The following LANCL3 variants were observed in gnomAD, a reference collection of about 807,000 sequenced individuals.
LANCL3 encodes the protein LanC like family member 3.
Under a neutral mutation model 26.5 loss-of-function variants are expected in LANCL3, and 19 were observed. The ratio of observed to expected loss-of-function variants is 0.72; its 90% CI spans 0.50 to 1.05. The LOEUF is 1.05. Ranked by LOEUF, LANCL3 falls within the 50% of genes least tolerant of loss-of-function variation. The pLI is 0.00. For missense variants in LANCL3, 318 were observed against 362.7 expected (o/e 0.88, Z 1.00); for synonymous variants, 160 against 166.6 (o/e 0.96, Z 0.30).
chrX:37,647,359 AC>A (rs1429755363), intron 1 of LANCL3, among the ~76,000 whole-genome samples: 1 of 110,974 alleles, frequency 9.0e-6, no homozygotes, highest in Non-Finnish European at 1.9e-5. Flanking sequence ...GGATCTAACA[AC>A]CCAAAAACTT....
At chrX:37,590,310 A>C (rs782439755) in intron 1 of LANCL3, among the ~76,000 whole-genome samples, 2 of 112,895 alleles carry the variant, frequency 1.8e-5, no homozygotes, top group Admixed American at 9.3e-5. Context: ...TCAAAGTGAC[A>C]ACTTCAAATG....
chrX:37,684,293 G>A lies in LANCL3; in HGVS notation c.*8480G>A, dbSNP rs1314458897. ...TGTGATCTTTCCAAATGTGTTTTCT[G>A]TATTCGTTTTGTACTGTAGAAAATA... On this transcript the variant is annotated 3_prime_UTR_variant, in exon 5 of 5. Coordinates refer to ENST00000378619, the MANE Select transcript of LANCL3 (RefSeq NM_001170331.2). 1 of 112,437 alleles carries A rather than the reference G, an allele frequency of 8.9e-6. No homozygotes were observed. Among genetic ancestry groups the A allele is most frequent in the Non-Finnish European group, 1.9e-5 (1 of 53,241 alleles). The allele number at this position is 112,437 out of a possible 1,213,427, so 9.3% of individuals were successfully genotyped here. A position where few individuals can be genotyped will look rare whatever the true frequency, so the allele number is the denominator to read the frequency against.
At chrX:37,652,913 G>A (rs1396112185) in intron 1 of LANCL3, among the ~76,000 whole-genome samples, 1 of 111,485 alleles carries the variant, frequency 9.0e-6, no homozygotes, top group African/African-American at 3.3e-5. Context: ...TTGTTCGGGG[G>A]CGAAAAATAC....
At chrX:37,606,153 C>T (rs1401116612) in intron 1 of LANCL3, among the ~76,000 whole-genome samples, 1 of 111,881 alleles carries the variant, frequency 8.9e-6, no homozygotes, top group Non-Finnish European at 1.9e-5. Context: ...ATAGGATGCA[C>T]TTAATTCCCC....
rs1298289469 is a variant in LANCL3, at chrX:37,572,073, G to A, written c.203G>A (p.Gly68Asp). 1.3e-5 allele frequency: 15 copies of A among 1,175,797 alleles called. No homozygotes were observed. Among genetic ancestry groups the A allele is most frequent in the Admixed American group, 2.3e-5 (1 of 42,862 alleles). The change falls in exon 1 of 5, where the codon GGC (glycine) becomes GAC (aspartate). Residue 68 changes from glycine to aspartate, a missense_variant. Transcript: ENST00000378619. The part of the protein sequence containing the change: ...ASACQGGLYG[G>D]VAGVAYMLYH... ...GCCTGCCAGGGGGGGCTTTATGGCG[G>A]CGTGGCCGGAGTGGCGTATATGCTC...
chrX:37,669,258 G>A lies in LANCL3; in HGVS notation c.1103+1769G>A, dbSNP rs577290140. 9.8e-4 allele frequency among the ~76,000 whole-genome samples: 109 copies of A among 111,285 alleles called. 4 individuals carry two copies. In the South Asian group the frequency reaches 0.038, roughly 38 times the overall value. On this transcript the variant is annotated intron_variant, in intron 4 of 4. Transcript: ENST00000378619. ...CACTCAGGCTGGAGTGCAGTGGTGTGATTTATGGCTCACTGTAGCCTGCAA... is the reference window on the plus strand; with the variant it reads ...CACTCAGGCTGGAGTGCAGTGGTGTAATTTATGGCTCACTGTAGCCTGCAA...
At chrX:37,578,353 G>T (rs1556416648) in intron 1 of LANCL3, among the ~76,000 whole-genome samples, 1 of 112,110 alleles carries the variant, frequency 8.9e-6, no homozygotes, top group African/African-American at 3.2e-5. Flanking sequence ...GAAGGAAATG[G>T]TTGCTGGTTG....
chrX:37,620,621 A>G (rs951997980), intron 1 of LANCL3, among the ~76,000 whole-genome samples: 1 of 111,673 alleles, frequency 9.0e-6, no homozygotes, highest in Non-Finnish European at 1.9e-5. Context: ...TGCTTCATGC[A>G]GATTTTCATT....
intron 1 of LANCL3, among the ~76,000 whole-genome samples, chrX:37,621,301 C>T (rs1407818460): frequency 1.8e-5 from 2 of 112,050 alleles, no homozygotes; most frequent in Non-Finnish European, 3.8e-5. Context: ...GAGATTGACA[C>T]AGCACTGGCA....
At chrX:37,587,191 T>A (rs1924118755) in intron 1 of LANCL3, among the ~76,000 whole-genome samples, 1 of 112,337 alleles carries the variant, frequency 8.9e-6, no homozygotes, top group African/African-American at 3.2e-5. Context: ...CTGTGTGAGG[T>A]GTCAGTCTAC....
intron 3 of LANCL3, among the ~76,000 whole-genome samples, chrX:37,666,405 A>G (rs1602135664): frequency 8.9e-6 from 1 of 112,227 alleles, no homozygotes; most frequent in Non-Finnish European, 1.9e-5. Flanking sequence ...GACAATTTCT[A>G]TCTCTACAGA....
At chrX:37,587,081 G>A (rs1924113496) in intron 1 of LANCL3, among the ~76,000 whole-genome samples, 1 of 112,534 alleles carries the variant, frequency 8.9e-6, no homozygotes, top group African/African-American at 3.2e-5. Context: ...TATTTGCCTG[G>A]GTATCAGCAG....
At position 37,572,398 on chromosome X, in the gene LANCL3, T is replaced by G. The variant is rs1252560089; in HGVS notation, c.528T>G (p.Gly176=). 9.4e-6 allele frequency: 11 copies of G among 1,175,067 alleles called. No individual in the cohort carries two copies. Among genetic ancestry groups the G allele is most frequent in the African/African-American group, 1.8e-5 (1 of 56,270 alleles). The change falls in exon 1 of 5, where the codon GGT becomes GGG. Residue 176 remains glycine (G), a synonymous_variant. Transcript: ENST00000378619. ...GSDELFVGRA[G]YLCAALVLKQ... ...ACGAGCTGTTCGTGGGCCGCGCGGGTTACCTGTGTGCCGCGCTGGTGCTCA... is the reference window on the plus strand; with the variant it reads ...ACGAGCTGTTCGTGGGCCGCGCGGGGTACCTGTGTGCCGCGCTGGTGCTCA...
intron 1 of LANCL3, among the ~76,000 whole-genome samples, chrX:37,589,551 G>A (rs3106236): frequency 1.3e-4 from 14 of 111,421 alleles, no homozygotes; most frequent in East Asian, 5.7e-4. Flanking sequence ...ATTTACACTG[G>A]GATGGAGTAC....
intron 1 of LANCL3, among the ~76,000 whole-genome samples, chrX:37,591,665 A>G (rs3126469): frequency 0.02 from 2,100 of 106,685 alleles, 39 homozygotes; most frequent in East Asian, 0.06. Context: ...GGGAAGCTCT[A>G]GAGTGTATAT....
intron 4 of LANCL3, 84 bp from the exon 5 acceptor site, chrX:37,675,570 T>G: frequency 2.1e-6 from 1 of 465,842 alleles, no homozygotes; most frequent in Non-Finnish European, 3.3e-6. Flanking sequence ...ATGCTAAAAC[T>G]TTAATAGAAG....
intron 1 of LANCL3, among the ~76,000 whole-genome samples, chrX:37,587,565 G>A (rs1331077835): frequency 2.7e-5 from 3 of 112,885 alleles, no homozygotes; most frequent in South Asian, 3.6e-4. Context: ...AGCAAGGATC[G>A]AGGCTCCGTG....
intron 1 of LANCL3, among the ~76,000 whole-genome samples, chrX:37,598,115 G>C (rs1298562570): frequency 1.8e-5 from 2 of 111,171 alleles, no homozygotes; most frequent in Admixed American, 1.9e-4. Flanking sequence ...ACAAAAGTAG[G>C]TTGTCTTTTA....
intron 1 of LANCL3, among the ~76,000 whole-genome samples, chrX:37,646,613 A>G (rs1556427005): frequency 8.9e-6 from 1 of 112,188 alleles, no homozygotes; most frequent in African/African-American, 3.2e-5. Flanking sequence ...TGGAGATGAG[A>G]TGTTTTACTA....
Sources: allele counts gnomAD v4.1 joint callset (sites outside exome capture counted in the v4.1 genomes callset), GRCh38; gene constraint gnomAD v4.1.1; transcripts MANE v1.5; gene names NCBI Gene and HGNC (gene_info 2026-07-23, HGNC 2026-07-21).